METTL4: variants seen among roughly 807,000 people sequenced by gnomAD.
METTL4 encodes the protein N(6)-adenine-specific methyltransferase METTL4.
METTL4 carries 40 observed loss-of-function variants against 54.0 expected under a neutral mutation model. That is an observed-to-expected ratio of 0.74 (90% confidence interval 0.58 to 0.96). The LOEUF is 0.96. Ranked by LOEUF, METTL4 falls within the 50% of genes least tolerant of loss-of-function variation. METTL4 has a pLI of 0.00. For synonymous variants in METTL4, 169 were observed against 183.8 expected (o/e 0.92, Z 0.65); for missense variants, 525 against 549.0 (o/e 0.96, Z 0.44).
rs369905997 is a variant in METTL4, at chr18:2,565,744, G to C, written c.396+1077C>G. ...ATAGAAAGAGCTCAAACGTTTGTTCGGTGAGTAATGAATGTTAATCCTATC... is the reference window on the plus strand; with the variant it reads ...ATAGAAAGAGCTCAAACGTTTGTTCCGTGAGTAATGAATGTTAATCCTATC... On this transcript the variant is annotated intron_variant, in intron 2 of 8. Transcript: ENST00000574538. Among the ~76,000 whole-genome samples the C allele has an allele frequency of 2.6e-5, 4 of 152,138 alleles. No homozygotes were observed. In the East Asian group the frequency reaches 5.8e-4, roughly 22 times the overall value.
chr18:2,550,073 A>G (rs2072131589), intron 5 of METTL4, among the ~76,000 whole-genome samples: 1 of 152,170 alleles, frequency 6.6e-6, no homozygotes, highest in East Asian at 1.9e-4. Flanking sequence ...GTTTCCTGCC[A>G]TCGAAACAAG....
chr18:2,540,389 GATAA>G, intron 8 of METTL4: 1 of 979,864 alleles, frequency 1.0e-6, no homozygotes. Flanking sequence ...ATTTAGGAAT[GATAA>G]GGGTTCTTTA....
intron 1 of METTL4, chr18:2,568,955 T>G (rs1598359853): frequency 4.4e-6 from 1 of 226,592 alleles, no homozygotes; most frequent in East Asian, 1.1e-4. Context: ...TAACAAAAAT[T>G]AATGCTATTC....
intron 6 of METTL4, among the ~76,000 whole-genome samples, chr18:2,546,629 G>A (rs1004261901): frequency 4.6e-5 from 7 of 151,976 alleles, no homozygotes; most frequent in African/African-American, 1.7e-4. Context: ...ATAATAGCTT[G>A]GATTATCTTT....
chr18:2,547,498 G>C lies in METTL4; in HGVS notation c.931C>G (p.Gln311Glu). The change falls in exon 6 of 9, where the codon CAA becomes GAA. Residue 311 changes from glutamine to glutamate, a missense_variant. Coordinates refer to ENST00000574538, the MANE Select transcript of METTL4 (RefSeq NM_022840.5). ...YSYLSPLQIQQIPIPKLAAPN... is the reference protein window; with the variant it reads ...YSYLSPLQIQEIPIPKLAAPN... ...GCAGCCAATTTAGGGATAGGTATTT[G>C]CTGTATTTGCAGGGGTGACAAATAA... The C allele has an allele frequency of 6.2e-7, 1 of 1,602,482 alleles. No individual in the cohort carries two copies. The highest frequency in any genetic ancestry group is 8.5e-7 in the Non-Finnish European group (1 of 1,175,478).
intron 8 of METTL4, among the ~76,000 whole-genome samples, chr18:2,543,188 A>G (rs2072020459): frequency 6.6e-6 from 1 of 152,002 alleles, no homozygotes; most frequent in African/African-American, 2.4e-5. Flanking sequence ...CCTAAGTGCT[A>G]GCAATAAAAA....
At chr18:2,540,797 G>T in intron 8 of METTL4, 3 of 985,404 alleles carry the variant, frequency 3.0e-6, no homozygotes, top group South Asian at 9.4e-5. Flanking sequence ...AGGTTACGCT[G>T]AAGAAAGGTT....
chr18:2,560,757 TA>T, intron 3 of METTL4, among the ~76,000 whole-genome samples: 1 of 152,062 alleles, frequency 6.6e-6, no homozygotes, highest in South Asian at 2.1e-4. Context: ...CGGGCGCCTG[TA>T]ATCCCAGCTA....
In METTL4 at chr18:2,538,216, A is replaced by G; in HGVS notation, c.*784T>C. 3 of 299,474 alleles carry G rather than the reference A, an allele frequency of 1.0e-5. No homozygotes were observed. Among genetic ancestry groups the G allele is most frequent in the Non-Finnish European group, 1.8e-5 (3 of 165,632 alleles). 18.6% of individuals were successfully genotyped at this position (299,474 alleles called of 1,614,324 possible). On this transcript the variant is annotated 3_prime_UTR_variant, in exon 9 of 9. Coordinates refer to ENST00000574538, the MANE Select transcript of METTL4 (RefSeq NM_022840.5). ...ACAATCACACTGTTTACTTGCTGCC[A>G]TGTTTATTATAAGGAATAGCTTTTC...
intron 3 of METTL4, among the ~76,000 whole-genome samples, chr18:2,557,187 G>A (rs983643647): frequency 7.9e-5 from 12 of 151,920 alleles, no homozygotes; most frequent in Non-Finnish European, 1.5e-5. Context: ...AGAGGAAAGG[G>A]CTCCACAGAG....
chr18:2,554,068 A>G (rs2072200409), intron 4 of METTL4: 1 of 152,200 alleles, frequency 6.6e-6, no homozygotes, highest in Non-Finnish European at 1.5e-5. Context: ...ATACCTCAAA[A>G]TGACCCTAAG....
chr18:2,566,724 T>C (rs1283575735), intron 2 of METTL4, 97 bp downstream of exon 2: 1 of 1,039,290 alleles, frequency 9.6e-7, no homozygotes, highest in Non-Finnish European at 1.3e-6. Context: ...CTGATTCTTC[T>C]TTATACTTAA....
chr18:2,565,397 T>C (rs962294884), intron 2 of METTL4, among the ~76,000 whole-genome samples: 2 of 152,028 alleles, frequency 1.3e-5, no homozygotes, highest in African/African-American at 4.8e-5. Flanking sequence ...AAATAACTAA[T>C]GGGTACTAGG....
At position 2,567,062 on chromosome 18, in the gene METTL4, G is replaced by T. The variant is rs2072431047; in HGVS notation, c.155C>A (p.Ser52Tyr). Residue 52 changes from serine to tyrosine, a missense_variant, in exon 2 of 9, where the codon TCT (serine) becomes TAT (tyrosine). Coordinates refer to ENST00000574538, the MANE Select transcript of METTL4 (RefSeq NM_022840.5). Reference protein sequence around the residue: ...SVHFESLQMDSVSSSGVCAAF... With the variant: ...SVHFESLQMDYVSSSGVCAAF... ...AGCACAGACTCCAGAGGAGGACACAGAATCCATTTGAAGAGACTCAAAGTG... is the reference window on the plus strand; with the variant it reads ...AGCACAGACTCCAGAGGAGGACACATAATCCATTTGAAGAGACTCAAAGTG... 1 of 1,614,124 alleles carries T rather than the reference G, an allele frequency of 6.2e-7. No individual in the cohort carries two copies. Among genetic ancestry groups the T allele is most frequent in the Non-Finnish European group, 8.5e-7 (1 of 1,180,008 alleles).
At chr18:2,552,900 G>C (rs1223046720) in intron 4 of METTL4, 136 bp from the exon 5 acceptor site, 2 of 589,676 alleles carry the variant, frequency 3.4e-6, no homozygotes, top group African/African-American at 3.8e-5. Flanking sequence ...TCTGTATATA[G>C]CATTTATTCA....
At position 2,563,789 on chromosome 18, in the gene METTL4, A is replaced by G; in HGVS notation, c.459+8T>C. 1 of 1,585,740 alleles carries G rather than the reference A, an allele frequency of 6.3e-7. No homozygotes were observed. The highest frequency in any genetic ancestry group is 1.8e-5 in the Admixed American group (1 of 56,394). ...TTCCAATGTGATCAATGAACATTTT[A>G]CACTTACCTTTGTATGGTATTCCAT... On this transcript the variant is annotated splice_region_variant and intron_variant, in intron 3 of 8. Transcript: ENST00000574538.
At chr18:2,564,903 C>T (rs2072379644) in intron 2 of METTL4, among the ~76,000 whole-genome samples, 1 of 152,104 alleles carries the variant, frequency 6.6e-6, no homozygotes. Flanking sequence ...ACTTATATTA[C>T]AACATACTAT....
chr18:2,567,241 G>A lies in METTL4; in HGVS notation c.-25C>T. Reference sequence around the variant, plus strand: ...TTCCCTTCCTTTAAAAAAGCCTCTGGGAATTAGGAACTAGAATGAAAATCC... The same window carrying A: ...TTCCCTTCCTTTAAAAAAGCCTCTGAGAATTAGGAACTAGAATGAAAATCC... On this transcript the variant is annotated 5_prime_UTR_variant, in exon 2 of 9. Coordinates refer to ENST00000574538, the MANE Select transcript of METTL4 (RefSeq NM_022840.5). The A allele has an allele frequency of 6.5e-7, 1 of 1,530,482 alleles. No individual in the cohort carries two copies. Among genetic ancestry groups the A allele is most frequent in the Non-Finnish European group, 8.8e-7 (1 of 1,142,286 alleles). 94.8% of individuals were successfully genotyped at this position (1,530,482 alleles called of 1,614,324 possible).
At chr18:2,560,117 C>G (rs1341017593) in intron 3 of METTL4, among the ~76,000 whole-genome samples, 1 of 152,132 alleles carries the variant, frequency 6.6e-6, no homozygotes, top group Non-Finnish European at 1.5e-5. Flanking sequence ...AAATCCGGTT[C>G]TCTATTAAAA....
Sources: gnomAD v4.1 joint callset for allele counts (sites outside exome capture counted in the v4.1 genomes callset) on GRCh38, gnomAD v4.1.1 for gene constraint, MANE v1.5 for transcripts, NCBI Gene and HGNC (gene_info 2026-07-23, HGNC 2026-07-21) for gene names.